TULP4: variants seen among roughly 807,000 people sequenced by gnomAD.
The protein encoded by TULP4 is TUB like protein 4.
Under a neutral mutation model 129.0 loss-of-function variants are expected in TULP4, and 16 were observed. That is an observed-to-expected ratio of 0.12 (90% confidence interval 0.08 to 0.19). The LOEUF is 0.19. Among genes scored for constraint, TULP4 ranks in the 10% least tolerant of loss-of-function variants. The pLI is 1.00. For missense variants in TULP4, 1,842 were observed against 2,059.1 expected (o/e 0.89, Z 2.04); for synonymous variants, 998 against 854.0 (o/e 1.17, Z -2.94).
chr6:158,412,302 A>C (rs1329197995), intron 1 of TULP4, among the ~76,000 whole-genome samples: 1 of 152,190 alleles, frequency 6.6e-6, no homozygotes. Context: ...TTGGTGGCTC[A>C]TGGTGTCCGG....
rs566095859 is a variant in TULP4 at position 158,241,233 on chromosome 6, G to T, written n.68+8930G>T. Among the ~76,000 whole-genome samples the T allele has an allele frequency of 5.9e-3, 745 of 126,572 alleles. 9 individuals are homozygous for T. The highest frequency in any genetic ancestry group is 0.018 in the African/African-American group (703 of 38,036). 83.0% of individuals were successfully genotyped at this position (126,572 alleles called of 152,430 possible). A position where few individuals can be genotyped will look rare whatever the true frequency, so the allele number is the denominator to read the frequency against. On this transcript the variant is annotated intron_variant and non_coding_transcript_variant, in intron 1 of 1. Coordinates refer to the TULP4 transcript ENST00000620026. ...TCCTCACTTCCTAGATGGGATGGCGGCCGGGCGGAGACGCTCCTCACTTTC... is the reference window on the plus strand; with the variant it reads ...TCCTCACTTCCTAGATGGGATGGCGTCCGGGCGGAGACGCTCCTCACTTTC...
intron 1 of TULP4, among the ~76,000 whole-genome samples, chr6:158,329,995 A>G (rs1384501646): frequency 6.7e-6 from 1 of 149,784 alleles, no homozygotes; most frequent in Non-Finnish European, 1.5e-5. Context: ...TATTAACCAC[A>G]TATGTAATAT....
At position 158,501,786 on chromosome 6, in the gene TULP4, G is replaced by A; in HGVS notation, c.2123G>A (p.Gly708Glu). Reference sequence around the variant, plus strand: ...GCTATGTCCCCCACGCAGAGCATAGGGCTGGTGCAGTCCCTACTGGCCAAT... The same window carrying A: ...GCTATGTCCCCCACGCAGAGCATAGAGCTGGTGCAGTCCCTACTGGCCAAT... Reference protein sequence around the residue: ...AQAMSPTQSIGLVQSLLANQN... With the variant: ...AQAMSPTQSIELVQSLLANQN... The change falls in exon 13 of 14, where the codon GGG becomes GAG. Residue 708 changes from glycine (G) to glutamate (E), a missense_variant. Coordinates refer to ENST00000367097, the MANE Select transcript of TULP4 (RefSeq NM_020245.5). The A allele has an allele frequency of 6.2e-7, 1 of 1,614,082 alleles. No individual in the cohort carries two copies. The highest frequency in any genetic ancestry group is 8.5e-7 in the Non-Finnish European group (1 of 1,180,006).
intron 1 of TULP4, among the ~76,000 whole-genome samples, chr6:158,378,487 G>GTTTTTTTTT (rs1562541803): frequency 3.2e-5 from 1 of 31,454 alleles, no homozygotes; most frequent in African/African-American, 2.8e-4. Flanking sequence ...TTTTTTTTTG[G>GTTTTTTTTT]TGGGGGTGGG....
intron 1 of TULP4, among the ~76,000 whole-genome samples, chr6:158,341,780 T>C (rs1780185749): frequency 6.6e-6 from 1 of 152,192 alleles, no homozygotes; most frequent in African/African-American, 2.4e-5. Context: ...TCCTATTGAG[T>C]TGTTTGAATT....
intron 1 of TULP4, among the ~76,000 whole-genome samples, chr6:158,250,244 G>A (rs971517965): frequency 5.3e-5 from 8 of 151,284 alleles, no homozygotes; most frequent in East Asian, 1.9e-4. Flanking sequence ...TGCAGCCTCC[G>A]CCTCCCGAGT....
intron 1 of TULP4, among the ~76,000 whole-genome samples, chr6:158,395,274 C>G (rs1777680287): frequency 6.6e-6 from 1 of 152,140 alleles, no homozygotes; most frequent in African/African-American, 2.4e-5. Flanking sequence ...GGAACAGTCA[C>G]TGTCAGTAGA....
rs975886014 is a variant in TULP4 at position 158,510,665 on chromosome 6, C to T, written c.*3971C>T. The T allele has an allele frequency of 6.6e-6, 1 of 152,168 alleles. No individual in the cohort carries two copies. Among genetic ancestry groups the T allele is most frequent in the African/African-American group, 2.4e-5 (1 of 41,414 alleles). 9.4% of individuals were successfully genotyped at this position (152,168 alleles called of 1,614,324 possible). On this transcript the variant is annotated 3_prime_UTR_variant, in exon 14 of 14. Transcript: ENST00000367097. The stretch of plus-strand genomic sequence containing the variant: ...AAATGTGTTTGGAATTGTGTTTGTT[C>T]TCATAGAATATACAAAAGTACTGAT...
chr6:158,308,373 C>T (rs549759111), upstream of TULP4, among the ~76,000 whole-genome samples: 1 of 152,150 alleles, frequency 6.6e-6, no homozygotes, highest in East Asian at 1.9e-4. Flanking sequence ...TAGTACAGAA[C>T]AAAATGAAAA....
chr6:158,497,959 A>G (rs1215083446), intron 11 of TULP4, among the ~76,000 whole-genome samples: 1 of 152,240 alleles, frequency 6.6e-6, no homozygotes, highest in Non-Finnish European at 1.5e-5. Context: ...GACTTTAACT[A>G]CTGTGAAACT....
rs1780382752 is a variant in TULP4 at position 158,498,727 on chromosome 6, A to C, written c.1929A>C (p.Pro643=). 1 of 1,614,214 alleles carries C rather than the reference A, an allele frequency of 6.2e-7. No individual in the cohort carries two copies. The highest frequency in any genetic ancestry group is 1.7e-5 in the Admixed American group (1 of 60,018). Residue 643 remains proline, a synonymous_variant, in exon 12 of 14, where the codon CCA becomes CCC. Coordinates refer to ENST00000367097, the MANE Select transcript of TULP4 (RefSeq NM_020245.5). Reference sequence around the variant, plus strand: ...CGCGGCAGATGACCATTTATCTCCCAGAAGTTCGGAAAATTTCCATGGACT... The same window carrying C: ...CGCGGCAGATGACCATTTATCTCCCCGAAGTTCGGAAAATTTCCATGGACT... ...LQPRQMTIYL[P]EVRKISMDYI...
intron 2 of TULP4, among the ~76,000 whole-genome samples, chr6:158,424,608 G>A (rs1315125572): frequency 1.3e-5 from 2 of 152,146 alleles, no homozygotes; most frequent in African/African-American, 4.8e-5. Flanking sequence ...CAATGTAAAT[G>A]CTAAATAAAT....
intron 3 of TULP4, among the ~76,000 whole-genome samples, chr6:158,434,317 G>A (rs574124198): frequency 6.6e-6 from 1 of 152,320 alleles, no homozygotes; most frequent in East Asian, 1.9e-4. Flanking sequence ...AGAAGAAATA[G>A]TGATATAAAC....
intron 1 of TULP4, among the ~76,000 whole-genome samples, chr6:158,390,675 A>C (rs1204974033): frequency 1.3e-5 from 2 of 152,248 alleles, no homozygotes; most frequent in East Asian, 3.8e-4. Flanking sequence ...TGTGTACCAA[A>C]TAATTGAAGA....
At chr6:158,408,754 G>T (rs750751749) in intron 1 of TULP4, among the ~76,000 whole-genome samples, 1 of 152,222 alleles carries the variant, frequency 6.6e-6, no homozygotes, top group African/African-American at 2.4e-5. Context: ...CAGAACCATT[G>T]TTCTAGTTGA....
rs1362570655 is a variant in TULP4 at position 158,493,074 on chromosome 6, G to A, written c.1632-499G>A. Among the ~76,000 whole-genome samples, 1 of 152,214 alleles carries A rather than the reference G, an allele frequency of 6.6e-6. No individual in the cohort carries two copies. Among genetic ancestry groups the A allele is most frequent in the Non-Finnish European group, 1.5e-5 (1 of 68,038 alleles). ...CATTTTCCCAGGACTGATTGTGCAG[G>A]CCCCTGGCAGAAGGCCATTTCCACG... On this transcript the variant is annotated intron_variant, in intron 9 of 13. Transcript: ENST00000367097. This position sits in a 1 kb window ranked among gnomAD's most constrained non-coding sequence, Gnocchi z 4.4.
chr6:158,308,904 C>G (rs1189302585), upstream of TULP4, among the ~76,000 whole-genome samples: 21 of 112,914 alleles, frequency 1.9e-4, no homozygotes, highest in Admixed American at 4.4e-4. Flanking sequence ...CCACCTCCCT[C>G]CCGGACGGGG....
chr6:158,457,501 T>C (rs1358258580), intron 5 of TULP4, among the ~76,000 whole-genome samples: 1 of 152,222 alleles, frequency 6.6e-6, no homozygotes, highest in Admixed American at 6.5e-5. Context: ...GGGACTTCTC[T>C]TCATCACGCA....
chr6:158,388,816 G>A (rs1777517595), intron 1 of TULP4, among the ~76,000 whole-genome samples: 1 of 152,144 alleles, frequency 6.6e-6, no homozygotes, highest in Admixed American at 6.5e-5. Flanking sequence ...TGGCATAATT[G>A]AAATCTCACA....
Sources: gnomAD v4.1 joint callset for allele counts (sites outside exome capture counted in the v4.1 genomes callset) on GRCh38, gnomAD v4.1.1 for gene constraint, Gnocchi (gnomAD v3.1) non-coding constraint, MANE v1.5 for transcripts, NCBI Gene and HGNC (gene_info 2026-07-23, HGNC 2026-07-21) for gene names.